AAK1: variants seen among roughly 807,000 people sequenced by gnomAD.
The protein encoded by AAK1 is AP2 associated kinase 1, also known as AP2-associated protein kinase 1.
Under a neutral mutation model 116.0 loss-of-function variants are expected in AAK1, and 37 were observed. The ratio of observed to expected loss-of-function variants is 0.32; its 90% confidence interval spans 0.25 to 0.42. The LOEUF (loss-of-function observed/expected upper bound fraction) is 0.42, where lower values mean the gene tolerates loss of function less well. Among genes scored for constraint, AAK1 ranks in the 10% least tolerant of loss-of-function variants. The probability of loss-of-function intolerance (pLI) is 1.00; values close to 1 mark genes in which losing one functional copy is unlikely to be tolerated. For synonymous variants in AAK1, 458 were observed against 439.9 expected (o/e 1.04, Z -0.51); for missense variants, 919 against 1,170.6 (o/e 0.79, Z 3.14).
chr2:69,583,889 A>C (rs1672649061), intron 2 of AAK1, among the ~76,000 whole-genome samples: 1 of 152,158 alleles, frequency 6.6e-6, no homozygotes, highest in African/African-American at 2.4e-5. Flanking sequence ...CACTTAAAAA[A>C]ATAAAGTGGA....
Position 69,467,127 on chromosome 2 carries a change from A to G in AAK1, c.*8742T>C. 1.0e-6 allele frequency: 1 copy of G among 985,432 alleles called. No individual in the cohort carries two copies. The highest frequency in any genetic ancestry group is 4.7e-5 in the South Asian group (1 of 21,290). The allele number at this position is 985,432 out of a possible 1,614,324, so 61.0% of individuals were successfully genotyped here. ...CGAGTGCCCAAAATATAAATACTGAAGGTACCTTCTGAGGGGAGCATACAG... is the reference window on the plus strand; with the variant it reads ...CGAGTGCCCAAAATATAAATACTGAGGGTACCTTCTGAGGGGAGCATACAG... On this transcript the variant is annotated 3_prime_UTR_variant, in exon 22 of 22. Transcript: ENST00000409085.
chr2:69,601,179 C>T (rs1673561275), intron 2 of AAK1, among the ~76,000 whole-genome samples: 1 of 152,172 alleles, frequency 6.6e-6, no homozygotes, highest in South Asian at 2.1e-4. Flanking sequence ...TGGAACAGAA[C>T]CTGCAATAGC....
In AAK1 at chr2:69,482,817, G is replaced by A. The variant is rs369324807; in HGVS notation, c.2366-5C>T. The A allele has an allele frequency of 2.1e-5, 33 of 1,590,168 alleles. No individual in the cohort carries two copies. Among genetic ancestry groups the A allele is most frequent in the African/African-American group, 5.4e-5 (4 of 74,492 alleles). On this transcript the variant is annotated splice_polypyrimidine_tract_variant and splice_region_variant and intron_variant, in intron 17 of 21. Transcript: ENST00000409085. The stretch of plus-strand genomic sequence containing the variant: ...TGAGTCCCTCAATTAGTTTTTCTAC[G>A]TTGGGCAGAGAGACAAAAAGAAAGC...
intron 16 of AAK1, among the ~76,000 whole-genome samples, chr2:69,504,183 G>A (rs1459962418): frequency 6.6e-6 from 1 of 151,738 alleles, no homozygotes; most frequent in African/African-American, 2.4e-5. Flanking sequence ...GATCACTTGA[G>A]CTCAGGAGTT....
chr2:69,458,141 A>C lies in AAK1; in HGVS notation c.*17728T>G, dbSNP rs1674257660. 1 of 151,802 alleles carries C rather than the reference A, an allele frequency of 6.6e-6. No homozygotes were observed. The highest frequency in any genetic ancestry group is 1.5e-5 in the Non-Finnish European group (1 of 67,982). 9.4% of individuals were successfully genotyped at this position (151,802 alleles called of 1,614,324 possible). A position where few individuals can be genotyped will look rare whatever the true frequency, so the allele number is the denominator to read the frequency against. On this transcript the variant is annotated 3_prime_UTR_variant, in exon 22 of 22. Coordinates refer to ENST00000409085, the MANE Select transcript of AAK1 (RefSeq NM_014911.5). Reference sequence around the variant, plus strand: ...GTCTGCAAATAAGAGGTATTGCAAAAATTGTTAAGATTGACTTTCATGTTT... The same window carrying C: ...GTCTGCAAATAAGAGGTATTGCAAACATTGTTAAGATTGACTTTCATGTTT...
chr2:69,552,577 G>A, intron 3 of AAK1, among the ~76,000 whole-genome samples: 1 of 152,112 alleles, frequency 6.6e-6, no homozygotes, highest in Non-Finnish European at 1.5e-5. Flanking sequence ...TGGGCATGGT[G>A]GCGCGTACCT....
intron 3 of AAK1, among the ~76,000 whole-genome samples, chr2:69,545,487 CAT>C (rs1670885488): frequency 6.6e-6 from 1 of 152,202 alleles, no homozygotes; most frequent in African/African-American, 2.4e-5. Flanking sequence ...GGAAGGAAAA[CAT>C]GTGGTCCCCT....
intron 2 of AAK1, among the ~76,000 whole-genome samples, chr2:69,562,760 T>G (rs376834993): frequency 4.7e-4 from 71 of 152,182 alleles, no homozygotes; most frequent in South Asian, 1.7e-3. Flanking sequence ...CGTGGTGGTG[T>G]GCGCCTGTAG....
chr2:69,589,722 A>G lies in AAK1; in HGVS notation c.164-32744T>C, dbSNP rs189095084. Among the ~76,000 whole-genome samples, 737 of 151,360 alleles carry G rather than the reference A, an allele frequency of 4.9e-3. 8 individuals are homozygous for G. Among genetic ancestry groups the G allele is most frequent in the African/African-American group, 0.017 (696 of 41,228 alleles). ...AAACTCTGTCTCAAAAAAAAAAAAA[A>G]AAAAAAAGAAAGAAAGAAAGTAAAG... On this transcript the variant is annotated intron_variant, in intron 2 of 21. Transcript: ENST00000409085.
rs898599554 is a variant in AAK1, at chr2:69,473,374, G to A, written c.*2495C>T. ...TGCTCAACTCAAATAAACTCTTTCA[G>A]CTCAGGGATGATGCTCTAAACCAAG... On this transcript the variant is annotated 3_prime_UTR_variant, in exon 22 of 22. Transcript: ENST00000409085. The A allele has an allele frequency of 3.0e-6, 3 of 985,360 alleles. No homozygotes were observed. The highest frequency in any genetic ancestry group is 3.5e-5 in the African/African-American group (2 of 57,238). The allele number at this position is 985,360 out of a possible 1,614,324, so 61.0% of individuals were successfully genotyped here. A position where few individuals can be genotyped will look rare whatever the true frequency, so the allele number is the denominator to read the frequency against.
At chr2:69,608,337 GCAGCCAGTGTAAATT>G (rs1673907840) in intron 2 of AAK1, among the ~76,000 whole-genome samples, 2 of 152,208 alleles carry the variant, frequency 1.3e-5, no homozygotes, top group Admixed American at 6.5e-5. Flanking sequence ...TCTGGCACGG[GCAGCCAGTGTAAATT>G]CAGTCAACCT....
chr2:69,465,952 C>T lies in AAK1; in HGVS notation c.*9917G>A. The T allele has an allele frequency of 7.7e-7, 1 of 1,290,866 alleles. No homozygotes were observed. The highest frequency in any genetic ancestry group is 1.0e-6 in the Non-Finnish European group (1 of 988,870). 80.0% of individuals were successfully genotyped at this position (1,290,866 alleles called of 1,614,324 possible). A position where few individuals can be genotyped will look rare whatever the true frequency, so the allele number is the denominator to read the frequency against. On this transcript the variant is annotated 3_prime_UTR_variant, in exon 22 of 22. Coordinates refer to ENST00000409085, the MANE Select transcript of AAK1 (RefSeq NM_014911.5). ...AGCTCCTGGGAGGTGCATTGGATAA[C>T]TGTTAACTCCTCCATGCTTTTCTTC...
rs371033630 is a variant in AAK1 at position 69,556,500 on chromosome 2, C to CAG, written c.282+358_282+359dup. On this transcript the variant is annotated intron_variant, in intron 3 of 21. Coordinates refer to ENST00000409085, the MANE Select transcript of AAK1 (RefSeq NM_014911.5). The stretch of plus-strand genomic sequence containing the variant: ...TTGAACTGAGACTGGGGATTGGTAA[C>CAG]AGAGAGAGAGAGAGACAAGACCAGA... Among the ~76,000 whole-genome samples the CAG allele has an allele frequency of 5.1e-3, 776 of 151,214 alleles. 12 individuals are homozygous for CAG. Among genetic ancestry groups the CAG allele is most frequent in the African/African-American group, 0.018 (737 of 41,342 alleles).
intron 18 of AAK1, 140 bp downstream of exon 18, chr2:69,482,571 G>A: frequency 1.3e-6 from 1 of 756,868 alleles, no homozygotes; most frequent in South Asian, 1.5e-5. Context: ...TTCATTTGGA[G>A]TGATACAAGT....
intron 2 of AAK1, among the ~76,000 whole-genome samples, chr2:69,621,513 T>C (rs987789677): frequency 2.0e-5 from 3 of 152,024 alleles, no homozygotes; most frequent in Non-Finnish European, 4.4e-5. Flanking sequence ...ATTTGTAATT[T>C]TGACAGACCT....
intron 2 of AAK1, among the ~76,000 whole-genome samples, chr2:69,586,314 C>T (rs936126302): frequency 2.0e-5 from 3 of 152,080 alleles, no homozygotes; most frequent in South Asian, 2.1e-4. Context: ...TGGTTGAATA[C>T]CAGGCTGGTA....
chr2:69,503,361 C>T (rs933907664), intron 16 of AAK1, among the ~76,000 whole-genome samples: 4 of 152,044 alleles, frequency 2.6e-5, no homozygotes, highest in African/African-American at 9.7e-5. Context: ...TAGAAGCATG[C>T]CAAATTCTAC....
intron 5 of AAK1, among the ~76,000 whole-genome samples, chr2:69,536,394 T>C (rs574014801): frequency 6.6e-5 from 10 of 152,134 alleles, no homozygotes; most frequent in African/African-American, 2.4e-4. Flanking sequence ...TACAACAGTC[T>C]GGGTGTGAGA....
In AAK1 at chr2:69,464,443, A is replaced by G. The variant is rs1674424629; in HGVS notation, c.*11426T>C. Reference sequence around the variant, plus strand: ...AAACAAGAAATTCCGGAGAGAAAAAAGATTTACTCTGAAACACCAGTTCCA... The same window carrying G: ...AAACAAGAAATTCCGGAGAGAAAAAGGATTTACTCTGAAACACCAGTTCCA... On this transcript the variant is annotated 3_prime_UTR_variant, in exon 22 of 22. Coordinates refer to ENST00000409085, the MANE Select transcript of AAK1 (RefSeq NM_014911.5). The G allele has an allele frequency of 6.6e-6, 1 of 152,520 alleles. No individual in the cohort carries two copies. The highest frequency in any genetic ancestry group is 2.4e-5 in the African/African-American group (1 of 41,460). The allele number at this position is 152,520 out of a possible 1,614,324, so 9.4% of individuals were successfully genotyped here.
Sources: allele counts gnomAD v4.1 joint callset (sites outside exome capture counted in the v4.1 genomes callset), GRCh38; gene constraint gnomAD v4.1.1; transcripts MANE v1.5; gene names NCBI Gene and HGNC (gene_info 2026-07-23, HGNC 2026-07-21).